ADAMTS20: variants seen among roughly 807,000 people sequenced by gnomAD.
The protein encoded by ADAMTS20 is ADAM metallopeptidase with thrombospondin type 1 motif 20, also known as A disintegrin and metalloproteinase with thrombospondin motifs 20.
ADAMTS20 carries 225 observed loss-of-function variants against 260.1 expected under a neutral mutation model. That is an observed-to-expected ratio of 0.87 (90% CI 0.78 to 0.97). The LOEUF is 0.97. Ranked by LOEUF, ADAMTS20 falls within the 50% of genes least tolerant of loss-of-function variation. The pLI, the probability that ADAMTS20 is intolerant of heterozygous loss-of-function variation, is 0.00. For missense variants in ADAMTS20, 2,400 were observed against 2,337.7 expected (o/e 1.03, Z -0.55); for synonymous variants, 802 against 769.5 (o/e 1.04, Z -0.70).
intron 10 of ADAMTS20, 25 bp from the exon 11 acceptor site, chr12:43,463,024 A>G (rs763055004): frequency 1.3e-6 from 2 of 1,542,990 alleles, no homozygotes; most frequent in East Asian, 4.6e-5. Context: ...AAGGCAGGCA[A>G]GCCAGTGTAA....
chr12:43,415,575 T>G (rs958813361), intron 28 of ADAMTS20, among the ~76,000 whole-genome samples: 1 of 152,192 alleles, frequency 6.6e-6, no homozygotes, highest in African/African-American at 2.4e-5. Context: ...TTTCAACCAC[T>G]TTTCCTATTC....
intron 7 of ADAMTS20, among the ~76,000 whole-genome samples, chr12:43,477,087 A>G (rs7488157): frequency 0.32 from 48,330 of 150,264 alleles, 8,522 homozygotes; most frequent in East Asian, 0.75. Flanking sequence ...CTTAACTATC[A>G]TTATAATCAT....
At chr12:43,370,309 A>G (rs1394800397) in intron 36 of ADAMTS20, among the ~76,000 whole-genome samples, 1 of 152,230 alleles carries the variant, frequency 6.6e-6, no homozygotes, top group South Asian at 2.1e-4. Flanking sequence ...TCCCAAGCCC[A>G]GGTACAATGA....
chr12:43,423,767 T>G, intron 28 of ADAMTS20: 1 of 702,582 alleles, frequency 1.4e-6, no homozygotes. Context: ...GAAATATGTT[T>G]CAATTGTCTC....
chr12:43,491,639 T>C (rs1210515398), intron 6 of ADAMTS20, among the ~76,000 whole-genome samples: 1 of 152,172 alleles, frequency 6.6e-6, no homozygotes, highest in Non-Finnish European at 1.5e-5. Context: ...AATAATTTTA[T>C]AACAGCAGAA....
intron 11 of ADAMTS20, among the ~76,000 whole-genome samples, chr12:43,455,061 C>T (rs1941939874): frequency 6.6e-6 from 1 of 152,102 alleles, no homozygotes; most frequent in East Asian, 1.9e-4. Context: ...TTTTGTCCTC[C>T]CTGCTACCTC....
chr12:43,549,652 A>C (rs556221476), intron 2 of ADAMTS20, among the ~76,000 whole-genome samples: 1 of 152,234 alleles, frequency 6.6e-6, no homozygotes, highest in South Asian at 2.1e-4. Context: ...AGGTTTTAGA[A>C]GGAGAATTTT....
chr12:43,403,862 C>T (rs746298570), intron 28 of ADAMTS20, among the ~76,000 whole-genome samples: 9 of 151,914 alleles, frequency 5.9e-5, no homozygotes, highest in African/African-American at 1.5e-4. Flanking sequence ...TGTTGTTTCC[C>T]GGAAAATATT....
rs578167250 is a variant in ADAMTS20, at chr12:43,514,801, A to C, written c.614-12396T>G. Among the ~76,000 whole-genome samples the C allele has an allele frequency of 2.6e-5, 4 of 152,250 alleles. No homozygotes were observed. The East Asian group carries it at 7.7e-4, about 29-fold the overall frequency. Reference sequence around the variant, plus strand: ...CAGTGAATTAAATATATACTCTAGCATTTGAACATGTAAATGAAATGTATC... The same window carrying C: ...CAGTGAATTAAATATATACTCTAGCCTTTGAACATGTAAATGAAATGTATC... On this transcript the variant is annotated intron_variant, in intron 3 of 38. Transcript: ENST00000389420.
At chr12:43,499,651 C>G (rs1322539446) in intron 4 of ADAMTS20, among the ~76,000 whole-genome samples, 1 of 151,508 alleles carries the variant, frequency 6.6e-6, no homozygotes. Flanking sequence ...ATTATAGGCA[C>G]ACGCCACCAT....
chr12:43,460,551 A>C (rs1942040989), intron 11 of ADAMTS20, among the ~76,000 whole-genome samples: 1 of 152,180 alleles, frequency 6.6e-6, no homozygotes, highest in Non-Finnish European at 1.5e-5. Context: ...TATGATGTTA[A>C]ACATACACTC....
At chr12:43,475,602 G>T (rs531074096) in intron 7 of ADAMTS20, among the ~76,000 whole-genome samples, 94 of 152,056 alleles carry the variant, frequency 6.2e-4, no homozygotes, top group Non-Finnish European at 1.3e-3. Flanking sequence ...CATACTACAA[G>T]GCTACAGTAA....
At chr12:43,360,736 T>C (rs924804608) in intron 37 of ADAMTS20, among the ~76,000 whole-genome samples, 4 of 152,076 alleles carry the variant, frequency 2.6e-5, no homozygotes, top group African/African-American at 7.2e-5. Flanking sequence ...CCACTTGCAG[T>C]AACAAGAGAG....
At position 43,501,478 on chromosome 12, in the gene ADAMTS20, C is replaced by T. The variant is rs554247514; in HGVS notation, c.867+674G>A. The stretch of plus-strand genomic sequence containing the variant: ...AGGGGGATACGCGCGCGCGCGCGCG[C>T]GCGCACACACACACACACACACACA... On this transcript the variant is annotated intron_variant, in intron 4 of 38. Coordinates refer to ENST00000389420, the MANE Select transcript of ADAMTS20 (RefSeq NM_025003.5). Among the ~76,000 whole-genome samples, 71 of 86,694 alleles carry T rather than the reference C, an allele frequency of 8.2e-4. No homozygotes were observed. In the South Asian group the frequency reaches 0.014, roughly 18 times the overall value. The allele number at this position is 86,694 out of a possible 152,430, so 56.9% of individuals were successfully genotyped here.
intron 38 of ADAMTS20, 123 bp downstream of exon 38, chr12:43,356,361 T>C (rs1414524481): frequency 1.7e-6 from 1 of 596,542 alleles, no homozygotes; most frequent in Admixed American, 3.0e-5. Flanking sequence ...AATATACCCA[T>C]TATATGCAAT....
chr12:43,399,021 A>T, intron 29 of ADAMTS20, 45 bp downstream of exon 29: 1 of 1,190,590 alleles, frequency 8.4e-7, no homozygotes, highest in Non-Finnish European at 1.1e-6. Context: ...TTTCTTTTTA[A>T]ATACAAAAAA....
At chr12:43,499,345 A>AATCTCAGAT (rs1942723051) in intron 4 of ADAMTS20, among the ~76,000 whole-genome samples, 1 of 152,214 alleles carries the variant, frequency 6.6e-6, no homozygotes, top group South Asian at 2.1e-4. Context: ...TGTTTCAAGC[A>AATCTCAGAT]ATCTCAGATG....
chr12:43,540,289 G>C (rs1943359433), intron 2 of ADAMTS20, among the ~76,000 whole-genome samples: 1 of 152,144 alleles, frequency 6.6e-6, no homozygotes, highest in Admixed American at 6.5e-5. Flanking sequence ...AGAAAATACA[G>C]TTCTATCCAG....
At chr12:43,443,644 A>G in intron 16 of ADAMTS20, 147 bp downstream of exon 16, 2 of 537,806 alleles carry the variant, frequency 3.7e-6, no homozygotes, top group Non-Finnish European at 3.3e-6. Context: ...TTAAGAACAT[A>G]TGTATAGGGA....
Sources: gnomAD v4.1 joint callset for allele counts (sites outside exome capture counted in the v4.1 genomes callset) on GRCh38, gnomAD v4.1.1 for gene constraint, MANE v1.5 for transcripts, NCBI Gene and HGNC (gene_info 2026-07-23, HGNC 2026-07-21) for gene names.